Variants in IL1RAPL1 observed in about 807,000 individuals in gnomAD.
The protein encoded by IL1RAPL1 is interleukin-1 receptor accessory protein-like 1.
Under a neutral mutation model 48.4 loss-of-function variants are expected in IL1RAPL1, and 3 were observed. The ratio of observed to expected loss-of-function variants is 0.06; its 90% CI spans 0.03 to 0.16. IL1RAPL1 has a LOEUF of 0.16. IL1RAPL1 is among the 10% of genes least tolerant of loss of function. IL1RAPL1 has a pLI of 1.00. For synonymous variants in IL1RAPL1, 185 were observed against 187.7 expected (o/e 0.99, Z 0.12); for missense variants, 349 against 530.6 (o/e 0.66, Z 3.36).
chrX:29,566,758 T>TTATTAA (rs1922420972), intron 5 of IL1RAPL1, among the ~76,000 whole-genome samples: 1 of 112,208 alleles, frequency 8.9e-6, no homozygotes, highest in South Asian at 3.7e-4. Flanking sequence ...GCAATATAGG[T>TTATTAA]TATTAATATT....
At chrX:28,737,225 T>TTC (rs1238453604) in intron 1 of IL1RAPL1, among the ~76,000 whole-genome samples, 9 of 86,923 alleles carry the variant, frequency 1.0e-4, no homozygotes, top group African/African-American at 3.9e-4. Context: ...CTTTCTTTCT[T>TTC]TCTTTCTTTC....
chrX:28,606,726 A>C (rs1160175725), intron 1 of IL1RAPL1, among the ~76,000 whole-genome samples: 1 of 111,815 alleles, frequency 8.9e-6, no homozygotes, highest in Non-Finnish European at 1.9e-5. Flanking sequence ...ATGATTTATA[A>C]GATTCCTGAG....
intron 3 of IL1RAPL1, among the ~76,000 whole-genome samples, chrX:29,324,174 C>A (rs1294847059): frequency 9.0e-6 from 1 of 111,047 alleles, no homozygotes; most frequent in Non-Finnish European, 1.9e-5. Flanking sequence ...CTGCTTTATA[C>A]GCTTGTGACT....
chrX:29,312,206 G>A (rs979363004), intron 3 of IL1RAPL1, among the ~76,000 whole-genome samples: 3 of 111,468 alleles, frequency 2.7e-5, no homozygotes, highest in African/African-American at 9.8e-5. Context: ...TTGGGAGGCC[G>A]AGGAGGGTGG....
At chrX:29,686,679 T>C (rs1219733248) in intron 6 of IL1RAPL1, among the ~76,000 whole-genome samples, 7 of 109,014 alleles carry the variant, frequency 6.4e-5, no homozygotes, top group South Asian at 4.1e-4. Context: ...TGCCTCAGCC[T>C]CCCGAGTAGC....
chrX:29,190,575 G>A (rs1930333308), intron 2 of IL1RAPL1, among the ~76,000 whole-genome samples: 1 of 112,197 alleles, frequency 8.9e-6, no homozygotes, highest in Non-Finnish European at 1.9e-5. Flanking sequence ...GTATATTCTT[G>A]TCAAGAACCA....
chrX:28,704,036 C>A (rs527946691), intron 1 of IL1RAPL1, among the ~76,000 whole-genome samples: 137 of 111,363 alleles, frequency 1.2e-3, no homozygotes, highest in Admixed American at 0.012. Context: ...AATTGGATAT[C>A]CAAAACCAAT....
At chrX:29,219,583 C>A (rs949918032) in intron 2 of IL1RAPL1, among the ~76,000 whole-genome samples, 1 of 111,629 alleles carries the variant, frequency 9.0e-6, no homozygotes, top group Non-Finnish European at 1.9e-5. Flanking sequence ...CCCTTCTTAT[C>A]TGGACTGTTG....
intron 5 of IL1RAPL1, among the ~76,000 whole-genome samples, chrX:29,445,238 A>G (rs1487745907): frequency 1.8e-5 from 2 of 112,205 alleles, no homozygotes; most frequent in Admixed American, 9.5e-5. Flanking sequence ...TCCATAAAAC[A>G]GATTTCTCTA....
At chrX:29,127,712 C>A (rs146538344) in intron 2 of IL1RAPL1, among the ~76,000 whole-genome samples, 512 of 111,770 alleles carry the variant, frequency 4.6e-3, no homozygotes, top group Non-Finnish European at 6.8e-3. Flanking sequence ...GTAATCCCAG[C>A]ACTTTGGGAG....
chrX:29,846,959 T>C (rs1931264014), intron 6 of IL1RAPL1, among the ~76,000 whole-genome samples: 1 of 110,791 alleles, frequency 9.0e-6, no homozygotes, highest in Admixed American at 9.7e-5. Flanking sequence ...ATTTTGTGTA[T>C]CATCTCACAT....
intron 6 of IL1RAPL1, among the ~76,000 whole-genome samples, chrX:29,879,116 A>C (rs2147213521): frequency 9.0e-6 from 1 of 111,710 alleles, no homozygotes; most frequent in East Asian, 2.8e-4. Context: ...CAACATGGAT[A>C]GATCTCAAAG....
chrX:29,862,176 T>G (rs868622421), intron 6 of IL1RAPL1, among the ~76,000 whole-genome samples: 1 of 103,285 alleles, frequency 9.7e-6, no homozygotes, highest in Non-Finnish European at 2.0e-5. Context: ...AAAAAAAAAA[T>G]AAGAATAATC....
intron 2 of IL1RAPL1, among the ~76,000 whole-genome samples, chrX:29,109,312 T>TG (rs138073994): frequency 9.2e-6 from 1 of 108,166 alleles, no homozygotes; most frequent in African/African-American, 3.3e-5. Flanking sequence ...TTTTTTTTTT[T>TG]GTAGAAAATA....
At chrX:29,875,291 T>C (rs565746189) in intron 6 of IL1RAPL1, among the ~76,000 whole-genome samples, 15 of 111,653 alleles carry the variant, frequency 1.3e-4, no homozygotes, top group Middle Eastern at 4.6e-3. Context: ...GCAAATTGCC[T>C]TGTAAAAGCC....
At chrX:29,350,964 T>C (rs1180952133) in intron 3 of IL1RAPL1, among the ~76,000 whole-genome samples, 3 of 111,474 alleles carry the variant, frequency 2.7e-5, no homozygotes, top group African/African-American at 9.8e-5. Context: ...AACCTATAGA[T>C]GACATTAAGT....
rs199954042 is a variant in IL1RAPL1 at position 28,923,183 on chromosome X, TC to T, written c.82+133759del. ...TTTGTACGTTTCTTTTTCTTTCTTT[TC>T]TTTTTTTTTGAGAAGGAGTTTCGCT... On this transcript the variant is annotated intron_variant, in intron 2 of 10. Transcript: ENST00000378993. Among the ~76,000 whole-genome samples, 890 of 111,425 alleles carry T rather than the reference TC, an allele frequency of 8.0e-3. 9 individuals are homozygous for T. The highest frequency in any genetic ancestry group is 0.028 in the African/African-American group (848 of 30,531).
intron 5 of IL1RAPL1, among the ~76,000 whole-genome samples, chrX:29,468,112 G>A (rs772866197): frequency 3.4e-4 from 38 of 111,946 alleles, no homozygotes; most frequent in Non-Finnish European, 6.4e-4. Context: ...CCAGCGCCTC[G>A]GCCTCCCAAA....
chrX:29,335,941 G>A (rs55855952), intron 3 of IL1RAPL1, among the ~76,000 whole-genome samples: 13,317 of 109,440 alleles, frequency 0.12, 1,834 homozygotes, highest in African/African-American at 0.4. Flanking sequence ...TTTAAAAACA[G>A]TCGTGCGTAT....
Sources: gnomAD v4.1 joint callset for allele counts (sites outside exome capture counted in the v4.1 genomes callset) on GRCh38, gnomAD v4.1.1 for gene constraint, MANE v1.5 for transcripts, NCBI Gene and HGNC (gene_info 2026-07-23, HGNC 2026-07-21) for gene names.